The following HTR4 variants were observed in gnomAD, a reference collection of about 807,000 sequenced individuals.
The protein encoded by HTR4 is 5-hydroxytryptamine receptor 4, also known as 5-hydroxytryptamine (serotonin) receptor 4, G protein-coupled.
HTR4 carries 16 observed loss-of-function variants against 36.8 expected under a neutral mutation model. The observed-to-expected ratio is 0.43, with a 90% CI of 0.29 to 0.66. The LOEUF is 0.66. HTR4 is among the 30% of genes least tolerant of loss of function. The pLI, the probability that HTR4 is intolerant of heterozygous loss-of-function variation, is 0.13. For synonymous variants in HTR4, 189 were observed against 185.1 expected (o/e 1.02, Z -0.17); for missense variants, 438 against 490.9 (o/e 0.89, Z 1.02).
At position 148,490,763 on chromosome 5, in the gene HTR4, T is replaced by A. The variant is rs536136261; in HGVS notation, c.1077-7470A>T. On this transcript the variant is annotated intron_variant, in intron 6 of 6. Coordinates refer to ENST00000377888, the MANE Select transcript of HTR4 (RefSeq NM_000870.7). Reference sequence around the variant, plus strand: ...ATTCCATTTTGTGCTGAAATACATGTTCTTATAACCTCAATCCTTTGTTTC... The same window carrying A: ...ATTCCATTTTGTGCTGAAATACATGATCTTATAACCTCAATCCTTTGTTTC... The A allele has an allele frequency of 5.8e-6, 7 of 1,204,444 alleles. No individual in the cohort carries two copies. In the African/African-American group the frequency reaches 9.4e-5, roughly 16 times the overall value. The allele number at this position is 1,204,444 out of a possible 1,614,324, so 74.6% of individuals were successfully genotyped here. A position where few individuals can be genotyped will look rare whatever the true frequency, so the allele number is the denominator to read the frequency against.
intron 2 of HTR4, among the ~76,000 whole-genome samples, chr5:148,560,738 A>G (rs1760170567): frequency 1.3e-5 from 2 of 152,302 alleles, no homozygotes; most frequent in Middle Eastern, 6.8e-3. Context: ...CAGCATGGTT[A>G]AGAGACGTAA....
At chr5:148,599,210 G>A (rs182484933) in intron 2 of HTR4, among the ~76,000 whole-genome samples, 1 of 152,050 alleles carries the variant, frequency 6.6e-6, no homozygotes, top group Non-Finnish European at 1.5e-5. Flanking sequence ...GAGAAGGAAA[G>A]GGCAAAAGCA....
chr5:148,493,719 A>G (rs1756560907), intron 6 of HTR4, among the ~76,000 whole-genome samples: 1 of 152,196 alleles, frequency 6.6e-6, no homozygotes, highest in Admixed American at 6.6e-5. Flanking sequence ...ACCTTTAAGA[A>G]CACTTTTTCC....
intron 6 of HTR4, among the ~76,000 whole-genome samples, chr5:148,506,138 A>G (rs1223958378): frequency 6.6e-6 from 1 of 152,250 alleles, no homozygotes; most frequent in African/African-American, 2.4e-5. Context: ...ACAAGGCTAC[A>G]GTCAGCAAAA....
At chr5:148,621,156 C>A (rs1470724473) in intron 2 of HTR4, among the ~76,000 whole-genome samples, 5 of 152,176 alleles carry the variant, frequency 3.3e-5, no homozygotes. Flanking sequence ...AGAAAAGGTT[C>A]TTTGAAATTC....
At position 148,633,193 on chromosome 5, in the gene HTR4, C is replaced by T. The variant is rs547368839; in HGVS notation, c.26+3796G>A. On this transcript the variant is annotated intron_variant, in intron 2 of 6. Coordinates refer to ENST00000377888, the MANE Select transcript of HTR4 (RefSeq NM_000870.7). ...GCCTCCCCAACCAGGGCCTGATTCA[C>T]TGCCAGCTTTTCATCATGATTCAAT... Among the ~76,000 whole-genome samples the T allele has an allele frequency of 2.6e-5, 4 of 152,206 alleles. No individual in the cohort carries two copies. The East Asian group carries it at 7.7e-4, about 29-fold the overall frequency.
At chr5:148,483,644 T>C (rs189030787) in intron 6 of HTR4, among the ~76,000 whole-genome samples, 42 of 152,318 alleles carry the variant, frequency 2.8e-4, no homozygotes, top group African/African-American at 6.0e-4. Context: ...TAGTTCATTA[T>C]ATATTATAGT....
At chr5:148,634,409 G>A (rs1753451690) in intron 2 of HTR4, among the ~76,000 whole-genome samples, 1 of 152,140 alleles carries the variant, frequency 6.6e-6, no homozygotes, top group South Asian at 2.1e-4. Flanking sequence ...TATAAAAGAA[G>A]GCAATGCAGT....
chr5:148,591,618 G>A (rs564495594), intron 2 of HTR4, among the ~76,000 whole-genome samples: 45 of 151,532 alleles, frequency 3.0e-4, no homozygotes, highest in Non-Finnish European at 5.5e-4. Flanking sequence ...TGCCTTTATC[G>A]CCTCATTAAA....
intron 6 of HTR4, among the ~76,000 whole-genome samples, chr5:148,488,084 A>G (rs1054332541): frequency 6.6e-6 from 1 of 152,174 alleles, no homozygotes; most frequent in African/African-American, 2.4e-5. Flanking sequence ...TTGTCTATAA[A>G]CCGTGAGGCA....
chr5:148,579,987 C>T (rs1228497787), intron 2 of HTR4, among the ~76,000 whole-genome samples: 2 of 151,852 alleles, frequency 1.3e-5, no homozygotes, highest in Non-Finnish European at 2.9e-5. Flanking sequence ...TCCTTTACAT[C>T]AGTACCTAGG....
At chr5:148,478,348 G>A (rs1330888679), downstream of HTR4, among the ~76,000 whole-genome samples, 1 of 152,200 alleles carries the variant, frequency 6.6e-6, no homozygotes, top group East Asian at 1.9e-4. Flanking sequence ...TAGTTTGGAG[G>A]TGGATTCTGC....
intron 2 of HTR4, among the ~76,000 whole-genome samples, chr5:148,615,708 G>GAAATA (rs71001495): frequency 0.26 from 38,020 of 145,246 alleles, 5,509 homozygotes; most frequent in Non-Finnish European, 0.33. Flanking sequence ...AAGAAAGAAA[G>GAAATA]AAATAAAATA....
intron 6 of HTR4, among the ~76,000 whole-genome samples, chr5:148,497,339 C>T (rs1351461155): frequency 1.3e-5 from 2 of 152,138 alleles, no homozygotes; most frequent in Non-Finnish European, 1.5e-5. Context: ...TATCTCATAT[C>T]GTCCATCCTT....
chr5:148,508,687 T>C (rs1291220460), intron 6 of HTR4, among the ~76,000 whole-genome samples: 1 of 152,184 alleles, frequency 6.6e-6, no homozygotes, highest in Admixed American at 6.5e-5. Context: ...TGCCCATACA[T>C]CCATTATATC....
intron 4 of HTR4, among the ~76,000 whole-genome samples, chr5:148,536,467 A>C (rs1045321759): frequency 2.0e-5 from 3 of 152,060 alleles, no homozygotes; most frequent in Non-Finnish European, 2.9e-5. Flanking sequence ...AAAAAGTGTG[A>C]CCCAATGGTA....
chr5:148,455,173 T>C lies in HTR4; in HGVS notation c.1077-3901A>G, dbSNP rs146642569. Among the ~76,000 whole-genome samples the C allele has an allele frequency of 8.1e-3, 1,232 of 152,272 alleles. 21 individuals carry two copies. Among genetic ancestry groups the C allele is most frequent in the African/African-American group, 0.028 (1,180 of 41,548 alleles). On this transcript the variant is annotated intron_variant, in intron 5 of 5. Transcript: ENST00000521530. The stretch of plus-strand genomic sequence containing the variant: ...GCTCTACTTAGACTGTTCTTACAGA[T>C]TAGAAAACTGAGGCTCAGAGCAGTT...
intron 6 of HTR4, among the ~76,000 whole-genome samples, chr5:148,488,243 A>G (rs557535505): frequency 1.3e-5 from 2 of 152,342 alleles, no homozygotes; most frequent in African/African-American, 4.8e-5. Flanking sequence ...GTGACATCTC[A>G]GAGAATGGGC....
intron 2 of HTR4, among the ~76,000 whole-genome samples, chr5:148,553,776 C>G (rs749030351): frequency 1.3e-5 from 2 of 152,132 alleles, no homozygotes; most frequent in Non-Finnish European, 2.9e-5. Flanking sequence ...GCATTGCTGG[C>G]GGGAATGTAA....
Sources: gnomAD v4.1 joint callset for allele counts (sites outside exome capture counted in the v4.1 genomes callset) on GRCh38, gnomAD v4.1.1 for gene constraint, MANE v1.5 for transcripts, NCBI Gene and HGNC (gene_info 2026-07-23, HGNC 2026-07-21) for gene names.